The following ERLIN2 variants were observed in gnomAD, a reference collection of about 807,000 sequenced individuals.
ERLIN2 encodes the protein erlin-2.
A neutral mutation model predicts 41.5 loss-of-function variants in ERLIN2; 22 were observed. That is an observed-to-expected ratio of 0.53 (90% confidence interval 0.38 to 0.76). The LOEUF (loss-of-function observed/expected upper bound fraction) is 0.76, where lower values mean the gene tolerates loss of function less well. Among genes scored for constraint, ERLIN2 ranks in the 30% least tolerant of loss-of-function variants. The pLI is 0.00. For missense variants in ERLIN2, 247 were observed against 414.3 expected (o/e 0.60, Z 3.51); for synonymous variants, 149 against 150.9 (o/e 0.99, Z 0.09).
chr8:37,748,989 A>C (rs1268459373), intron 6 of ERLIN2, among the ~76,000 whole-genome samples: 2 of 152,200 alleles, frequency 1.3e-5, no homozygotes, highest in African/African-American at 4.8e-5. Context: ...CAGAACTGTA[A>C]ATTTTAATTT....
rs2032067 is a variant in ERLIN2, at chr8:37,741,738, A to G, written c.190-34A>G. ...AAAGTAAGTTACTTTGTCACTGCCCATCTTCTAGCACTTTATGTTTCCTCT... is the reference window on the plus strand; with the variant it reads ...AAAGTAAGTTACTTTGTCACTGCCCGTCTTCTAGCACTTTATGTTTCCTCT... On this transcript the variant is annotated intron_variant, in intron 3 of 11. Coordinates refer to ENST00000519638, the MANE Select transcript of ERLIN2 (RefSeq NM_007175.8). The surrounding 1 kb of genome is among the most constrained non-coding windows in gnomAD (Gnocchi z 4.8). 1 of 1,577,404 alleles carries G rather than the reference A, an allele frequency of 6.3e-7. No homozygotes were observed. Among genetic ancestry groups the G allele is most frequent in the Non-Finnish European group, 8.7e-7 (1 of 1,146,452 alleles).
Position 37,749,798 on chromosome 8 carries a change from T to G in ERLIN2, c.503T>G (p.Val168Gly). Residue 168 changes from valine to glycine, a missense_variant, in exon 8 of 12, where the codon GTG becomes GGG. By Grantham distance (109) the Val-to-Gly change is moderately radical. This residue lies in a region of ERLIN2 where 153 missense variants were observed against 256.4 expected (regional missense o/e 0.60). Coordinates refer to ENST00000519638, the MANE Select transcript of ERLIN2 (RefSeq NM_007175.8). ...GCTGTTTTAATCTCTCTCCAGGCTG[T>G]GCGGGTAACAAAGCCCAACATACCA... Reference protein sequence around the residue: ...SMAPGLVIQAVRVTKPNIPEA... With the variant: ...SMAPGLVIQAGRVTKPNIPEA... 1 of 1,614,144 alleles carries G rather than the reference T, an allele frequency of 6.2e-7. No individual in the cohort carries two copies. Among genetic ancestry groups the G allele is most frequent in the Non-Finnish European group, 8.5e-7 (1 of 1,179,988 alleles).
chr8:37,744,885 G>T (rs1277891180), intron 6 of ERLIN2, 189 bp downstream of exon 6: 1 of 720,178 alleles, frequency 1.4e-6, no homozygotes, highest in Non-Finnish European at 2.5e-6. Context: ...TATGCAACAA[G>T]ATCCTTAGAG....
chr8:37,737,681 C>G, intron 1 of ERLIN2: 1 of 529,572 alleles, frequency 1.9e-6, no homozygotes, highest in Non-Finnish European at 3.4e-6. Context: ...GTATCCGGAG[C>G]CAGTGCTTCC....
intron 9 of ERLIN2, among the ~76,000 whole-genome samples, 170 bp downstream of exon 9, chr8:37,750,656 C>T (rs1364551706): frequency 6.6e-6 from 1 of 152,142 alleles, no homozygotes; most frequent in Non-Finnish European, 1.5e-5. Flanking sequence ...CAGATCATGG[C>T]CAAGGATAAT....
chr8:37,741,655 A>T lies in ERLIN2; in HGVS notation c.190-117A>T. 1.2e-6 allele frequency: 1 copy of T among 818,414 alleles called. No individual in the cohort carries two copies. The highest frequency in any genetic ancestry group is 2.1e-6 in the Non-Finnish European group (1 of 466,898). The allele number at this position is 818,414 out of a possible 1,614,324, so 50.7% of individuals were successfully genotyped here. On this transcript the variant is annotated intron_variant, in intron 3 of 11. Coordinates refer to ENST00000519638, the MANE Select transcript of ERLIN2 (RefSeq NM_007175.8). The surrounding 1 kb of genome is among the most constrained non-coding windows in gnomAD (Gnocchi z 4.8). ...GGATTAGGTGGGGTAATCATGTTTAATGAAGGCCATGCTCAACCCAAACAG... is the reference window on the plus strand; with the variant it reads ...GGATTAGGTGGGGTAATCATGTTTATTGAAGGCCATGCTCAACCCAAACAG...
At chr8:37,752,250 A>G (rs1007733093) in intron 10 of ERLIN2, among the ~76,000 whole-genome samples, 2 of 152,110 alleles carry the variant, frequency 1.3e-5, no homozygotes, top group African/African-American at 4.8e-5. Flanking sequence ...AATATCATTC[A>G]CCTTCTGTTC....
chr8:37,752,915 G>C (rs1047859636), intron 10 of ERLIN2, among the ~76,000 whole-genome samples: 3 of 151,844 alleles, frequency 2.0e-5, no homozygotes, highest in Admixed American at 1.3e-4. Flanking sequence ...GGAAATAAAA[G>C]GGAATTGAAG....
rs1431664996 is a variant in ERLIN2, at chr8:37,753,511, A to G, written c.801A>G (p.Lys267=). Residue 267 remains lysine (K), a synonymous_variant, in exon 11 of 12, where the codon AAA becomes AAG. Coordinates refer to ENST00000519638, the MANE Select transcript of ERLIN2 (RefSeq NM_007175.8). ...ATGCTGAGTGCTACACTGCTATGAA[A>G]ATAGCCGAAGCCAATAAGGTAAAGA... The part of the protein sequence containing the change: ...KADAECYTAM[K]IAEANKLKLT... 1 of 1,613,984 alleles carries G rather than the reference A, an allele frequency of 6.2e-7. No individual in the cohort carries two copies. Among genetic ancestry groups the G allele is most frequent in the East Asian group, 2.2e-5 (1 of 44,890 alleles).
At chr8:37,738,628 G>T (rs573233652) in intron 2 of ERLIN2, among the ~76,000 whole-genome samples, 2 of 152,118 alleles carry the variant, frequency 1.3e-5, no homozygotes, top group African/African-American at 4.8e-5. Context: ...TCACACACAC[G>T]TAGTCCTAGC....
chr8:37,748,845 C>T (rs1240670532), intron 6 of ERLIN2, among the ~76,000 whole-genome samples: 2 of 152,190 alleles, frequency 1.3e-5, no homozygotes, highest in Non-Finnish European at 2.9e-5. Flanking sequence ...TCTGAGATTG[C>T]AGCTGGAAAG....
intron 6 of ERLIN2, among the ~76,000 whole-genome samples, chr8:37,748,824 G>T (rs1207859233): frequency 2.0e-5 from 3 of 152,180 alleles, no homozygotes; most frequent in Non-Finnish European, 4.4e-5. Flanking sequence ...AGTCAGCTTT[G>T]GTACTGCTGT....
At position 37,737,482 on chromosome 8, in the gene ERLIN2, C is replaced by T. The variant is rs1802691719; in HGVS notation, c.-15-426C>T. The T allele has an allele frequency of 1.4e-5, 3 of 217,068 alleles. No individual in the cohort carries two copies. In the South Asian group the frequency reaches 1.9e-4, roughly 13 times the overall value. 13.4% of individuals were successfully genotyped at this position (217,068 alleles called of 1,614,324 possible). A position where few individuals can be genotyped will look rare whatever the true frequency, so the allele number is the denominator to read the frequency against. On this transcript the variant is annotated intron_variant, in intron 1 of 11. Coordinates refer to ENST00000519638, the MANE Select transcript of ERLIN2 (RefSeq NM_007175.8). ...GGCAATTAGGAGTGGGAGACTCTGA[C>T]CAGAATTACATAGCCACAACTGCCT...
chr8:37,755,564 C>T lies in ERLIN2; in HGVS notation c.*1449C>T, dbSNP rs1803336335. On this transcript the variant is annotated 3_prime_UTR_variant, in exon 12 of 12. Coordinates refer to ENST00000519638, the MANE Select transcript of ERLIN2 (RefSeq NM_007175.8). ...TTATGAGCTGACCCCCACCCCCCAC[C>T]CCCCACCCCCCCCCCCCGCCAACTC... 3.2e-5 allele frequency: 1 copy of T among 31,576 alleles called. No individual in the cohort carries two copies. The highest frequency in any genetic ancestry group is 1.5e-4 in the African/African-American group (1 of 6,474). 2.0% of individuals were successfully genotyped at this position (31,576 alleles called of 1,614,324 possible). A position where few individuals can be genotyped will look rare whatever the true frequency, so the allele number is the denominator to read the frequency against.
At position 37,750,377 on chromosome 8, in the gene ERLIN2, G is replaced by T. The variant is rs1326050500; in HGVS notation, c.558-18G>T. The T allele has an allele frequency of 1.9e-6, 3 of 1,604,096 alleles. No homozygotes were observed. Among genetic ancestry groups the T allele is most frequent in the African/African-American group, 1.3e-5 (1 of 74,764 alleles). On this transcript the variant is annotated intron_variant, in intron 8 of 11. Transcript: ENST00000519638. ...CTGAGTTTTCCATAGCTGCCTCACGGCTTTTTCTTCTCTTCAGGGAAAGTG... is the reference window on the plus strand; with the variant it reads ...CTGAGTTTTCCATAGCTGCCTCACGTCTTTTTCTTCTCTTCAGGGAAAGTG...
rs1328218356 is a variant in ERLIN2, at chr8:37,741,455, A to C, written c.190-317A>C. ...AAGCATCCACTGGGGGCCTTCGAAC[A>C]TAAAGCGGTGCCTAACATAAATAGA... On this transcript the variant is annotated intron_variant, in intron 3 of 11. Transcript: ENST00000519638. This position sits in a 1 kb window ranked among gnomAD's most constrained non-coding sequence, Gnocchi z 4.8. Among the ~76,000 whole-genome samples the C allele has an allele frequency of 6.6e-6, 1 of 152,256 alleles. No individual in the cohort carries two copies.
rs1306543139 is a variant in ERLIN2 at position 37,755,572 on chromosome 8, C to G, written c.*1457C>G. ...TGACCCCCACCCCCCACCCCCCACC[C>G]CCCCCCCCCGCCAACTCCTATACCC... On this transcript the variant is annotated 3_prime_UTR_variant, in exon 12 of 12. Coordinates refer to ENST00000519638, the MANE Select transcript of ERLIN2 (RefSeq NM_007175.8). The G allele has an allele frequency of 1.1e-5, 1 of 87,156 alleles. No homozygotes were observed. Among genetic ancestry groups the G allele is most frequent in the South Asian group, 5.9e-4 (1 of 1,686 alleles). 5.4% of individuals were successfully genotyped at this position (87,156 alleles called of 1,614,324 possible).
chr8:37,737,574 G>A (rs1280146717), intron 1 of ERLIN2: 2 of 348,118 alleles, frequency 5.7e-6, no homozygotes, highest in African/African-American at 4.2e-5. Flanking sequence ...ACTACTGGTA[G>A]GAAAGGTTCA....
rs189985393 is a variant in ERLIN2, at chr8:37,747,302, T to C, written c.425-2257T>C. On this transcript the variant is annotated intron_variant, in intron 6 of 11. Coordinates refer to ENST00000519638, the MANE Select transcript of ERLIN2 (RefSeq NM_007175.8). ...TACTTTGTCTCCTGATCTAAATGCT[T>C]GCCTCCAGTCTAGGGCTCAGAAAAA... The C allele has an allele frequency of 1.6e-5, 14 of 888,540 alleles. No homozygotes were observed. The East Asian group carries it at 3.1e-4, about 20-fold the overall frequency. The allele number at this position is 888,540 out of a possible 1,614,324, so 55.0% of individuals were successfully genotyped here.
Sources: gnomAD v4.1 joint callset for allele counts (sites outside exome capture counted in the v4.1 genomes callset) on GRCh38, gnomAD v4.1.1 for gene constraint, gnomAD v4.1.1 regional missense constraint, Gnocchi (gnomAD v3.1) non-coding constraint, MANE v1.5 for transcripts, NCBI Gene and HGNC (gene_info 2026-07-23, HGNC 2026-07-21) for gene names.